CRKL: variants seen among roughly 807,000 people sequenced by gnomAD.
CRKL encodes crk-like protein.
CRKL carries 3 observed loss-of-function variants against 23.0 expected under a neutral mutation model. That is an observed-to-expected ratio of 0.13 (90% CI 0.06 to 0.34). The LOEUF is 0.34. Among genes scored for constraint, CRKL ranks in the 10% least tolerant of loss-of-function variants. CRKL has a pLI of 1.00. For synonymous variants in CRKL, 188 were observed against 160.7 expected (o/e 1.17, Z -1.28); for missense variants, 256 against 394.5 (o/e 0.65, Z 2.97).
rs996843507 is a variant in CRKL at position 20,953,222 on chromosome 22, T to C, written c.*3377T>C. On this transcript the variant is annotated 3_prime_UTR_variant, in exon 3 of 3. Coordinates refer to ENST00000354336, the MANE Select transcript of CRKL (RefSeq NM_005207.4). ...TTAACACAGTACCTAAGACTAATGCTTTCTGTGGACACCACTGAGCTCTGC... is the reference window on the plus strand; with the variant it reads ...TTAACACAGTACCTAAGACTAATGCCTTCTGTGGACACCACTGAGCTCTGC... 4.3e-6 allele frequency: 1 copy of C among 231,964 alleles called. No homozygotes were observed. Among genetic ancestry groups the C allele is most frequent in the African/African-American group, 2.2e-5 (1 of 45,222 alleles). 14.4% of individuals were successfully genotyped at this position (231,964 alleles called of 1,614,324 possible). A position where few individuals can be genotyped will look rare whatever the true frequency, so the allele number is the denominator to read the frequency against.
At chr22:20,927,530 T>TTA (rs1921268436) in intron 1 of CRKL, among the ~76,000 whole-genome samples, 10 of 150,044 alleles carry the variant, frequency 6.7e-5, no homozygotes, top group Admixed American at 2.0e-4. Context: ...TTTTTTTTTT[T>TTA]AACTGTGAAA....
chr22:20,921,193 CT>C lies in CRKL; in HGVS notation c.311+2952del, dbSNP rs1281578796. Among the ~76,000 whole-genome samples, 9 of 152,328 alleles carry C rather than the reference CT, an allele frequency of 5.9e-5. 1 individual carries two copies. Among genetic ancestry groups the C allele is most frequent in the African/African-American group, 2.2e-4 (9 of 41,576 alleles). On this transcript the variant is annotated intron_variant, in intron 1 of 2. Coordinates refer to ENST00000354336, the MANE Select transcript of CRKL (RefSeq NM_005207.4). ...TAACTTTGCAGGCATCAAAACTGAG[CT>C]TTTAAAGCCAGAGTTTCATGCCTCT...
At chr22:20,920,224 C>T (rs1223119164) in intron 1 of CRKL, among the ~76,000 whole-genome samples, 1 of 152,078 alleles carries the variant, frequency 6.6e-6, no homozygotes, top group African/African-American at 2.4e-5. Flanking sequence ...AGTTAATGGG[C>T]GGGTGTGGTA....
intron 2 of CRKL, among the ~76,000 whole-genome samples, chr22:20,936,029 A>G (rs909202005): frequency 2.0e-5 from 3 of 152,086 alleles, no homozygotes; most frequent in Non-Finnish European, 2.9e-5. Flanking sequence ...CGTGGTGGGC[A>G]TGCACCTGTA....
chr22:20,947,675 C>CTTTTTTTTTTTTTTT (rs1491297940), intron 2 of CRKL, among the ~76,000 whole-genome samples: 1 of 86,058 alleles, frequency 1.2e-5, no homozygotes, highest in Admixed American at 1.5e-4. Flanking sequence ...TTCTTTTTTT[C>CTTTTTTTTTTTTTTT]ATTTTTTTTT....
intron 1 of CRKL, among the ~76,000 whole-genome samples, chr22:20,927,627 G>C (rs1464243489): frequency 6.7e-6 from 1 of 149,626 alleles, no homozygotes; most frequent in Non-Finnish European, 1.5e-5. Context: ...TGGATCACTT[G>C]AGGTCAGGAG....
chr22:20,931,547 C>G (rs1921453496), intron 1 of CRKL, among the ~76,000 whole-genome samples: 1 of 152,188 alleles, frequency 6.6e-6, no homozygotes, highest in East Asian at 1.9e-4. Context: ...ATACACCTGA[C>G]AGATGCAGGG....
At chr22:20,929,060 G>A (rs1178949177) in intron 1 of CRKL, among the ~76,000 whole-genome samples, 1 of 152,100 alleles carries the variant, frequency 6.6e-6, no homozygotes, top group Non-Finnish European at 1.5e-5. Flanking sequence ...AGTTGTTAGG[G>A]GCTTTGCTGC....
chr22:20,927,889 C>T (rs931467156), intron 1 of CRKL, among the ~76,000 whole-genome samples: 13 of 142,096 alleles, frequency 9.1e-5, no homozygotes, highest in Middle Eastern at 4.4e-3. Flanking sequence ...AGCCTGGGCA[C>T]GTTGGCTCAT....
Position 20,952,267 on chromosome 22 carries a change from C to A in CRKL, c.*2422C>A, listed in dbSNP as rs937604634. ...TTGGAAAGCAAGGTTTCCTTTCAGC[C>A]CTGTCTACTGACCAATACCCCGACT... On this transcript the variant is annotated 3_prime_UTR_variant, in exon 3 of 3. Coordinates refer to ENST00000354336, the MANE Select transcript of CRKL (RefSeq NM_005207.4). 4.3e-6 allele frequency: 1 copy of A among 230,282 alleles called. No homozygotes were observed. The highest frequency in any genetic ancestry group is 5.7e-5 in the Admixed American group (1 of 17,686). The allele number at this position is 230,282 out of a possible 1,614,324, so 14.3% of individuals were successfully genotyped here. A position where few individuals can be genotyped will look rare whatever the true frequency, so the allele number is the denominator to read the frequency against.
chr22:20,927,298 C>T (rs1321188857), intron 1 of CRKL, among the ~76,000 whole-genome samples: 1 of 138,952 alleles, frequency 7.2e-6, no homozygotes, highest in African/African-American at 2.7e-5. Flanking sequence ...TCAAGTGATT[C>T]TCCTGCCTCA....
In CRKL at chr22:20,952,846, T is replaced by C. The variant is rs1228872959; in HGVS notation, c.*3001T>C. On this transcript the variant is annotated 3_prime_UTR_variant, in exon 3 of 3. Transcript: ENST00000354336. ...CATGTCTGTGCTGTGTGGAACCACC[T>C]GATGACATGGTTAACGAGGAAGACG... The C allele has an allele frequency of 4.3e-6, 1 of 231,816 alleles. No homozygotes were observed. The highest frequency in any genetic ancestry group is 8.5e-6 in the Non-Finnish European group (1 of 117,150). 14.4% of individuals were successfully genotyped at this position (231,816 alleles called of 1,614,324 possible).
At position 20,952,919 on chromosome 22, in the gene CRKL, C is replaced by A; in HGVS notation, c.*3074C>A. The A allele has an allele frequency of 4.3e-6, 1 of 231,084 alleles. No homozygotes were observed. Among genetic ancestry groups the A allele is most frequent in the Non-Finnish European group, 8.6e-6 (1 of 116,470 alleles). 14.3% of individuals were successfully genotyped at this position (231,084 alleles called of 1,614,324 possible). A position where few individuals can be genotyped will look rare whatever the true frequency, so the allele number is the denominator to read the frequency against. ...GAGGACTTTGGTCACCCAGACTAGA[C>A]ACCTTCTGTGCTCATGTTTGGAAAG... is the stretch of plus-strand genomic sequence containing the variant. On this transcript the variant is annotated 3_prime_UTR_variant, in exon 3 of 3. Coordinates refer to ENST00000354336, the MANE Select transcript of CRKL (RefSeq NM_005207.4).
At chr22:20,946,576 A>G (rs901850439) in intron 2 of CRKL, among the ~76,000 whole-genome samples, 2 of 152,162 alleles carry the variant, frequency 1.3e-5, no homozygotes, top group African/African-American at 4.8e-5. Flanking sequence ...GGTCAGCCAC[A>G]TCTCCCAGGT....
At chr22:20,939,233 C>CTTTTT (rs140538861) in intron 2 of CRKL, among the ~76,000 whole-genome samples, 3 of 75,146 alleles carry the variant, frequency 4.0e-5, no homozygotes, top group Admixed American at 2.0e-4. Flanking sequence ...ACATAAGTTG[C>CTTTTT]TTTTTTTTTT....
intron 1 of CRKL, among the ~76,000 whole-genome samples, chr22:20,920,633 T>C (rs765725647): frequency 6.6e-6 from 1 of 152,200 alleles, no homozygotes; most frequent in Non-Finnish European, 1.5e-5. Flanking sequence ...AGAACAAGCA[T>C]GTAATTCTGT....
At position 20,952,573 on chromosome 22, in the gene CRKL, C is replaced by CT; in HGVS notation, c.*2730dup. ...ATGCAGCACTGCTGCCTCAGCTCAG[C>CT]TTCGTGCCTGGGTTCCCCACTGGTC... On this transcript the variant is annotated 3_prime_UTR_variant, in exon 3 of 3. Transcript: ENST00000354336. 1 of 232,770 alleles carries CT rather than the reference C, an allele frequency of 4.3e-6. No individual in the cohort carries two copies. The highest frequency in any genetic ancestry group is 1.8e-4 in the South Asian group (1 of 5,516). The allele number at this position is 232,770 out of a possible 1,614,324, so 14.4% of individuals were successfully genotyped here.
chr22:20,939,788 CCTTT>C (rs1452806878), intron 2 of CRKL, among the ~76,000 whole-genome samples: 1 of 114,116 alleles, frequency 8.8e-6, no homozygotes, highest in African/African-American at 3.4e-5. Flanking sequence ...ATCTCTGAAT[CCTTT>C]TTTTTTTTTT....
Position 20,934,058 on chromosome 22 carries a change from T to A in CRKL, c.591T>A (p.Ser197Arg), listed in dbSNP as rs2147905388. The A allele has an allele frequency of 6.2e-7, 1 of 1,614,122 alleles. No individual in the cohort carries two copies. The highest frequency in any genetic ancestry group is 1.3e-5 in the African/African-American group (1 of 75,010). The change falls in exon 2 of 3, where the codon AGT (serine) becomes AGA (arginine). Residue 197 changes from serine (S) to arginine (R), a missense_variant. By Grantham distance (110) the Ser-to-Arg change is moderately radical (BLOSUM62 -1). Around this residue, in one of 3 missense-constraint regions of CRKL, gnomAD observed 129 missense variants for 222.1 expected, o/e 0.58. Transcript: ENST00000354336. Reference sequence around the variant, plus strand: ...AGCATGGAAATAGGAATTCCAACAGTTATGGGATCCCAGAACCTGCTCATG... The same window carrying A: ...AGCATGGAAATAGGAATTCCAACAGATATGGGATCCCAGAACCTGCTCATG... ...HGKHGNRNSN[S>R]YGIPEPAHAY... is the part of the protein sequence containing the mutation.
Sources: allele counts gnomAD v4.1 joint callset (sites outside exome capture counted in the v4.1 genomes callset), GRCh38; gene constraint gnomAD v4.1.1; regional missense constraint gnomAD v4.1.1; transcripts MANE v1.5; gene names NCBI Gene and HGNC (gene_info 2026-07-23, HGNC 2026-07-21).